The following GABRR3 variants were observed in gnomAD, a reference collection of about 807,000 sequenced individuals.
The protein encoded by GABRR3 is gamma-aminobutyric acid receptor subunit rho-3.
In GABRR3, 29 loss-of-function variants were observed where a neutral mutation model predicts 43.2. The ratio of observed to expected loss-of-function variants is 0.67; its 90% CI spans 0.50 to 0.92. The LOEUF (loss-of-function observed/expected upper bound fraction) is 0.92, where lower values mean the gene tolerates loss of function less well. Ranked by LOEUF, GABRR3 falls within the 40% of genes least tolerant of loss-of-function variation. GABRR3 has a pLI of 0.00. For synonymous variants in GABRR3, 206 were observed against 195.9 expected, an observed-to-expected ratio of 1.05 and a Z score of -0.43; for missense variants, 576 against 572.3, an observed-to-expected ratio of 1.01 and a Z score of -0.07.
intron 8 of GABRR3, among the ~76,000 whole-genome samples, chr3:97,996,520 C>T (rs1226842384): frequency 6.6e-6 from 1 of 152,116 alleles, no homozygotes; most frequent in Admixed American, 6.5e-5. Context: ...CTGAAAACTT[C>T]GGTTGTCTTC....
At chr3:97,996,892 C>T (rs2107229228) in intron 8 of GABRR3, among the ~76,000 whole-genome samples, 1 of 152,300 alleles carries the variant, frequency 6.6e-6, no homozygotes, top group East Asian at 1.9e-4. Context: ...TCTTCACCAG[C>T]AAATGAATCA....
intron 8 of GABRR3, chr3:97,999,319 T>A (rs893475919): frequency 6.6e-6 from 1 of 152,250 alleles, no homozygotes; most frequent in East Asian, 1.9e-4. Flanking sequence ...CTTCATACTT[T>A]CACTCTCTTT....
chr3:97,986,861 C>A, exon 10 of GABRR3: 1 of 1,612,286 alleles, frequency 6.2e-7, no homozygotes, highest in African/African-American at 1.3e-5. Context: ...TATCGATTTT[C>A]TTCTCATGAA....
chr3:98,012,659 G>A, intron 4 of GABRR3, 92 bp from the exon 5 acceptor site: 1 of 814,352 alleles, frequency 1.2e-6, no homozygotes, highest in Non-Finnish European at 2.0e-6. Context: ...TCATTCCTAT[G>A]GTGTTAATGA....
At chr3:98,022,438 T>C (rs758514803) in intron 3 of GABRR3, among the ~76,000 whole-genome samples, 1 of 152,200 alleles carries the variant, frequency 6.6e-6, no homozygotes. Flanking sequence ...AAGTTAACAT[T>C]TAGCTCAAGA....
At chr3:97,989,550 T>G (rs1706436000) in intron 9 of GABRR3, among the ~76,000 whole-genome samples, 1 of 151,754 alleles carries the variant, frequency 6.6e-6, no homozygotes, top group African/African-American at 2.4e-5. Context: ...AGGGGGGTGA[T>G]GAAAACAAGT....
chr3:98,008,953 T>TA lies in GABRR3; in HGVS notation c.613+2dup. 4 of 1,588,550 alleles carry TA rather than the reference T, an allele frequency of 2.5e-6. No homozygotes were observed. Among genetic ancestry groups the TA allele is most frequent in the Non-Finnish European group, 3.4e-6 (4 of 1,163,074 alleles). The stretch of plus-strand genomic sequence containing the variant: ...ACTCACTCCACCAGGAAGTGAGACT[T>TA]ACAGCTTTCCAGTTCAAGAGAACAA... On this transcript the variant is annotated splice_region_variant and intron_variant, in intron 6 of 9. Transcript: ENST00000621172.
intron 3 of GABRR3, among the ~76,000 whole-genome samples, chr3:98,023,343 G>A (rs1204846752): frequency 1.3e-5 from 2 of 152,104 alleles, no homozygotes; most frequent in Non-Finnish European, 2.9e-5. Context: ...GCAGGTTTTT[G>A]AATTCGTGTT....
At chr3:98,015,239 A>G (rs1706858796) in intron 4 of GABRR3, among the ~76,000 whole-genome samples, 1 of 152,192 alleles carries the variant, frequency 6.6e-6, no homozygotes, top group South Asian at 2.1e-4. Context: ...GCCACCCAGG[A>G]TTAATTGCAG....
intron 7 of GABRR3, among the ~76,000 whole-genome samples, chr3:98,007,411 A>C (rs1706734646): frequency 6.6e-6 from 1 of 152,144 alleles, no homozygotes; most frequent in South Asian, 2.1e-4. Flanking sequence ...ATTAGGCAGG[A>C]GACTGATCAC....
chr3:98,007,502 T>C (rs906920481), intron 7 of GABRR3, among the ~76,000 whole-genome samples: 1 of 152,188 alleles, frequency 6.6e-6, no homozygotes, highest in Non-Finnish European at 1.5e-5. Flanking sequence ...GAACTTTATG[T>C]TCCAAAGAGA....
chr3:98,002,555 A>T (rs149829991), intron 7 of GABRR3, among the ~76,000 whole-genome samples: 479 of 152,278 alleles, frequency 3.1e-3, no homozygotes, highest in African/African-American at 0.011. Flanking sequence ...ATACCAGGAT[A>T]TATATAATAC....
chr3:98,007,990 T>C, intron 6 of GABRR3, 86 bp from the exon 7 acceptor site: 1 of 1,106,864 alleles, frequency 9.0e-7, no homozygotes, highest in Non-Finnish European at 1.3e-6. Flanking sequence ...TGTGGCTCTG[T>C]ATCCTTAGTG....
chr3:97,990,547 A>G lies in GABRR3; in HGVS notation c.1104+2305T>C, dbSNP rs143655100. Among the ~76,000 whole-genome samples, 15 of 152,056 alleles carry G rather than the reference A, an allele frequency of 9.9e-5. No homozygotes were observed. The East Asian group carries it at 2.9e-3, about 29-fold the overall frequency. Reference sequence around the variant, plus strand: ...ATTTTTAGTAGACACGGGGTTTCATATGTTGGACAGGCTGGTCTGGAATTC... The same window carrying G: ...ATTTTTAGTAGACACGGGGTTTCATGTGTTGGACAGGCTGGTCTGGAATTC... On this transcript the variant is annotated intron_variant, in intron 9 of 9. Transcript: ENST00000621172.
At chr3:98,000,290 G>A (rs1328788654) in intron 8 of GABRR3, 3 of 152,110 alleles carry the variant, frequency 2.0e-5, no homozygotes, top group African/African-American at 4.8e-5. Context: ...TCTTATTGCT[G>A]TCATTTTCAC....
intron 3 of GABRR3, among the ~76,000 whole-genome samples, chr3:98,023,388 A>C (rs1706975461): frequency 6.6e-6 from 1 of 152,140 alleles, no homozygotes; most frequent in South Asian, 2.1e-4. Context: ...CGGAGTGGCC[A>C]GTTTCAAGCC....
At chr3:98,029,918 C>G (rs1414609611) in intron 2 of GABRR3, among the ~76,000 whole-genome samples, 1 of 151,900 alleles carries the variant, frequency 6.6e-6, no homozygotes, top group Non-Finnish European at 1.5e-5. Flanking sequence ...GAGTTCGAGA[C>G]CAGACTGGCC....
chr3:98,007,980 T>A (rs1322467794), intron 6 of GABRR3, 76 bp from the exon 7 acceptor site: 1 of 1,260,680 alleles, frequency 7.9e-7, no homozygotes, highest in African/African-American at 1.5e-5. Flanking sequence ...CCATGTCTTA[T>A]GTGGCTCTGT....
intron 8 of GABRR3, chr3:97,997,915 T>A (rs1706584340): frequency 6.6e-6 from 1 of 152,182 alleles, no homozygotes; most frequent in Non-Finnish European, 1.5e-5. Context: ...ACAAATTTAA[T>A]GTGATAATGC....
Sources: allele counts gnomAD v4.1 joint callset (sites outside exome capture counted in the v4.1 genomes callset), GRCh38; gene constraint gnomAD v4.1.1; transcripts MANE v1.5; gene names NCBI Gene and HGNC (gene_info 2026-07-23, HGNC 2026-07-21).